Variants in LRRC37B observed in about 807,000 individuals in gnomAD.
The protein encoded by LRRC37B is leucine-rich repeat-containing protein 37B.
Under a neutral mutation model 98.3 loss-of-function variants are expected in LRRC37B, and 28 were observed. The ratio of observed to expected loss-of-function variants is 0.28; its 90% CI spans 0.21 to 0.39. The LOEUF is 0.39. LRRC37B is among the 10% of genes least tolerant of loss of function. The probability of loss-of-function intolerance (pLI) is 1.00; values close to 1 mark genes in which losing one functional copy is unlikely to be tolerated. For synonymous variants in LRRC37B, 364 were observed against 442.7 expected, an observed-to-expected ratio of 0.82 and a Z score of 2.23; for missense variants, 938 against 1,182.7, an observed-to-expected ratio of 0.79 and a Z score of 3.03.
chr17:32,023,334 G>A (rs1393212880), intron 1 of LRRC37B, among the ~76,000 whole-genome samples: 1 of 152,004 alleles, frequency 6.6e-6, no homozygotes, highest in East Asian at 1.9e-4. Context: ...TGTTGGTCAG[G>A]CTGGTCTTGA....
intron 7 of LRRC37B, among the ~76,000 whole-genome samples, chr17:32,044,142 G>T (rs950734006): frequency 6.0e-5 from 9 of 151,250 alleles, no homozygotes; most frequent in Admixed American, 4.0e-4. Context: ...TTAACCTTGA[G>T]AATTTATTCC....
At chr17:32,042,095 C>T (rs1911457198) in intron 7 of LRRC37B, 1 of 325,272 alleles carries the variant, frequency 3.1e-6, no homozygotes, top group South Asian at 2.4e-5. Context: ...AAGGCCAGGG[C>T]AGAGGGCCTC....
chr17:32,026,021 T>C (rs553809263), intron 2 of LRRC37B, among the ~76,000 whole-genome samples: 167 of 152,372 alleles, frequency 1.1e-3, no homozygotes, highest in African/African-American at 3.9e-3. Context: ...TTGTGTTTCT[T>C]CTCTGAGTTT....
chr17:32,040,530 C>T (rs1911394746), intron 7 of LRRC37B: 2 of 733,110 alleles, frequency 2.7e-6, no homozygotes, highest in Admixed American at 3.5e-5. Context: ...TGGACGATGA[C>T]TTCAAAGAGA....
At chr17:32,049,003 C>T (rs1391162826) in intron 9 of LRRC37B, 99 bp from the exon 13 acceptor site, 2 of 1,599,954 alleles carry the variant, frequency 1.3e-6, no homozygotes, top group Non-Finnish European at 1.7e-6. Context: ...TTAGAACCAA[C>T]TGTTAAACAA....
upstream of LRRC37B, chr17:32,017,248 G>A (rs1197810855): frequency 6.6e-6 from 1 of 152,140 alleles, no homozygotes; most frequent in Non-Finnish European, 1.5e-5. Flanking sequence ...TGTTCACTGT[G>A]TCTGGTGGAA....
chr17:32,049,098 C>T lies in LRRC37B; in HGVS notation c.2465-4C>T, dbSNP rs761159969. ...CTTCAATTACCCATTGCTCTCGTCCCCAGGTGATCAGCTTGAAATTCAGCT... is the reference window on the plus strand; with the variant it reads ...CTTCAATTACCCATTGCTCTCGTCCTCAGGTGATCAGCTTGAAATTCAGCT... On this transcript the variant is annotated splice_region_variant and splice_polypyrimidine_tract_variant and intron_variant, in intron 9 of 11. Transcript: ENST00000327564. 4.8e-5 allele frequency: 77 copies of T among 1,613,628 alleles called. No individual in the cohort carries two copies. The Middle Eastern group carries it at 4.9e-4, about 10-fold the overall frequency.
At chr17:32,017,703 G>A (rs981195745), upstream of LRRC37B, among the ~76,000 whole-genome samples, 2 of 151,748 alleles carry the variant, frequency 1.3e-5, no homozygotes, top group African/African-American at 4.8e-5. Context: ...GAGGCAAGAA[G>A]ATCACTTGAG....
intron 4 of LRRC37B, among the ~76,000 whole-genome samples, chr17:32,030,977 G>A (rs529209376): frequency 9.9e-5 from 15 of 152,144 alleles, no homozygotes; most frequent in Non-Finnish European, 1.8e-4. Flanking sequence ...GTAATGTCCA[G>A]AGACACTTTT....
At chr17:32,016,590 C>G (rs1332262963), upstream of LRRC37B, among the ~76,000 whole-genome samples, 1 of 152,146 alleles carries the variant, frequency 6.6e-6, no homozygotes, top group African/African-American at 2.4e-5. Flanking sequence ...TTCAAACTTG[C>G]CTGCACATCA....
chr17:32,049,057 C>T lies in LRRC37B; in HGVS notation c.2465-45C>T, dbSNP rs745772415. On this transcript the variant is annotated intron_variant, in intron 9 of 11. Coordinates refer to ENST00000327564, the Ensembl canonical transcript of LRRC37B. Reference sequence around the variant, plus strand: ...TACAACAATGTGGGCATTGACTTGTCCCCTGAGCCCAAAAGCTTCAATTAC... The same window carrying T: ...TACAACAATGTGGGCATTGACTTGTTCCCTGAGCCCAAAAGCTTCAATTAC... 6 of 1,612,374 alleles carry T rather than the reference C, an allele frequency of 3.7e-6. No homozygotes were observed. The African/African-American group carries it at 6.7e-5, about 18-fold the overall frequency.
chr17:32,049,970 CTTTCTTT>C (rs1218754765), intron 10 of LRRC37B, 26 bp from the exon 14 acceptor site: 2 of 1,276,334 alleles, frequency 1.6e-6, no homozygotes, highest in Non-Finnish European at 2.2e-6. Flanking sequence ...TTTAATTGTT[CTTTCTTT>C]TTTCTTTTTT....
chr17:32,039,257 A>G (rs1393435854), intron 7 of LRRC37B, among the ~76,000 whole-genome samples: 1 of 151,406 alleles, frequency 6.6e-6, no homozygotes, highest in Admixed American at 6.6e-5. Flanking sequence ...AATTATAGGC[A>G]TGAGGCATCA....
chr17:32,010,740 TTCTA>T (rs1163088494), intron 1 of LRRC37B, among the ~76,000 whole-genome samples: 3 of 152,204 alleles, frequency 2.0e-5, no homozygotes, highest in South Asian at 4.1e-4. Context: ...AACTTATTCC[TTCTA>T]TCTGACTGTG....
At chr17:32,039,388 T>A (rs974524665) in intron 7 of LRRC37B, among the ~76,000 whole-genome samples, 1 of 143,694 alleles carries the variant, frequency 7.0e-6, no homozygotes, top group African/African-American at 2.6e-5. Flanking sequence ...GAGGCGGGGG[T>A]ATCGCTTGAA....
chr17:32,040,306 C>T (rs1340153711), intron 7 of LRRC37B: 5 of 331,712 alleles, frequency 1.5e-5, no homozygotes, highest in East Asian at 7.1e-5. Context: ...ATCATGAACT[C>T]GAGGTGGCCC....
chr17:32,011,279 G>C (rs746177084), intron 1 of LRRC37B, among the ~76,000 whole-genome samples: 29 of 151,982 alleles, frequency 1.9e-4, no homozygotes, highest in Admixed American at 2.6e-4. Flanking sequence ...ACAGGTGTGA[G>C]CCACCATGCC....
Position 32,047,345 on chromosome 17 carries a change from T to C in LRRC37B, c.2324-416T>C, listed in dbSNP as rs533748530. The C allele has an allele frequency of 1.3e-5, 3 of 235,334 alleles. No individual in the cohort carries two copies. In the South Asian group the frequency reaches 1.8e-4, roughly 14 times the overall value. The allele number at this position is 235,334 out of a possible 1,614,324, so 14.6% of individuals were successfully genotyped here. A position where few individuals can be genotyped will look rare whatever the true frequency, so the allele number is the denominator to read the frequency against. ...GATGGTAGCAAGAACACGGGCACACTGAGGATGAGGAGAGTGGGAGCCTTG... is the reference window on the plus strand; with the variant it reads ...GATGGTAGCAAGAACACGGGCACACCGAGGATGAGGAGAGTGGGAGCCTTG... On this transcript the variant is annotated intron_variant, in intron 8 of 11. Transcript: ENST00000327564.
At chr17:32,038,812 T>C (rs1911323189) in intron 7 of LRRC37B, among the ~76,000 whole-genome samples, 1 of 150,948 alleles carries the variant, frequency 6.6e-6, no homozygotes, top group African/African-American at 2.4e-5. Flanking sequence ...GAGCCAAGAT[T>C]GCACCACTGC....
Sources: allele counts gnomAD v4.1 joint callset (sites outside exome capture counted in the v4.1 genomes callset), GRCh38; gene constraint gnomAD v4.1.1; transcripts MANE v1.5; gene names NCBI Gene and HGNC (gene_info 2026-07-23, HGNC 2026-07-21).